FMN2: variants seen among roughly 807,000 people sequenced by gnomAD.
The protein encoded by FMN2 is formin 2, also known as formin-2.
FMN2 carries 51 observed loss-of-function variants against 142.3 expected under a neutral mutation model. The ratio of observed to expected loss-of-function variants is 0.36; its 90% CI spans 0.29 to 0.45. The LOEUF (loss-of-function observed/expected upper bound fraction) is 0.45. FMN2 is among the 20% of genes least tolerant of loss of function. The probability of loss-of-function intolerance (pLI) is 1.00; values close to 1 mark genes in which losing one functional copy is unlikely to be tolerated. For missense variants in FMN2, 1,936 were observed against 2,122.8 expected, an observed-to-expected ratio of 0.91 and a Z score of 1.73; for synonymous variants, 882 against 869.8, an observed-to-expected ratio of 1.01 and a Z score of -0.25.
intron 1 of FMN2, among the ~76,000 whole-genome samples, chr1:240,116,789 T>C (rs1662041460): frequency 6.6e-6 from 1 of 151,844 alleles, no homozygotes; most frequent in Non-Finnish European, 1.5e-5. Context: ...AAGTTATTGA[T>C]ACCATGCTGC....
intron 4 of FMN2, among the ~76,000 whole-genome samples, chr1:240,193,200 C>T (rs1458484587): frequency 1.3e-5 from 2 of 152,002 alleles, no homozygotes; most frequent in East Asian, 1.9e-4. Context: ...CAATGGGGGT[C>T]GTGGAGCTGA....
chr1:240,375,318 A>G (rs866097510), intron 14 of FMN2, among the ~76,000 whole-genome samples: 3 of 152,218 alleles, frequency 2.0e-5, no homozygotes, highest in East Asian at 3.9e-4. Context: ...AATGGTGCCA[A>G]TAGTCATTCG....
intron 13 of FMN2, among the ~76,000 whole-genome samples, chr1:240,339,605 A>G (rs1347261272): frequency 6.6e-6 from 1 of 152,166 alleles, no homozygotes; most frequent in Non-Finnish European, 1.5e-5. Flanking sequence ...TTTAAAATTA[A>G]TATCTGTTTA....
intron 1 of FMN2, among the ~76,000 whole-genome samples, chr1:240,104,963 T>C (rs1661548385): frequency 6.6e-6 from 1 of 152,256 alleles, no homozygotes; most frequent in East Asian, 1.9e-4. Context: ...CTGATGAATA[T>C]TTCCATACAG....
chr1:240,213,177 T>C (rs1411204592), intron 6 of FMN2, among the ~76,000 whole-genome samples: 1 of 152,206 alleles, frequency 6.6e-6, no homozygotes, highest in Non-Finnish European at 1.5e-5. Context: ...ATCATCATCT[T>C]AAGATAATCT....
At chr1:240,144,005 T>A in intron 2 of FMN2, 1 of 1,214,842 alleles carries the variant, frequency 8.2e-7, no homozygotes, top group Non-Finnish European at 1.2e-6. Context: ...AGGGACACAC[T>A]CATTCCAGAC....
At chr1:240,144,692 A>G in intron 2 of FMN2, 1 of 1,296,242 alleles carries the variant, frequency 7.7e-7, no homozygotes, top group Non-Finnish European at 1.1e-6. Flanking sequence ...ATAAAGGCAG[A>G]CCTTTGTGTA....
intron 14 of FMN2, among the ~76,000 whole-genome samples, chr1:240,390,403 G>A (rs921753221): frequency 2.0e-5 from 3 of 151,900 alleles, no homozygotes; most frequent in African/African-American, 2.4e-5. Flanking sequence ...TTTTTGTTTC[G>A]GCCAAACTTG....
intron 14 of FMN2, among the ~76,000 whole-genome samples, chr1:240,391,170 T>A (rs1673590698): frequency 6.6e-6 from 1 of 152,110 alleles, no homozygotes; most frequent in Admixed American, 6.5e-5. Context: ...ACAAACAATC[T>A]GACATACAAA....
intron 2 of FMN2, among the ~76,000 whole-genome samples, chr1:240,159,728 T>C (rs1237837508): frequency 6.6e-6 from 1 of 151,970 alleles, no homozygotes; most frequent in Non-Finnish European, 1.5e-5. Flanking sequence ...CATTTATTAC[T>C]TTTAATTCTA....
chr1:240,270,476 C>T (rs539897442), intron 7 of FMN2, among the ~76,000 whole-genome samples: 6 of 152,158 alleles, frequency 3.9e-5, no homozygotes, highest in Admixed American at 6.6e-5. Flanking sequence ...AATCACACCT[C>T]GGATAAACCT....
At chr1:240,331,158 C>T (rs1671363440) in intron 11 of FMN2, among the ~76,000 whole-genome samples, 1 of 151,754 alleles carries the variant, frequency 6.6e-6, no homozygotes, top group South Asian at 2.1e-4. Context: ...CAATGAAGGC[C>T]AATAGGTCCA....
Position 240,143,982 on chromosome 1 carries a change from G to C in FMN2, c.1782+20637G>C, listed in dbSNP as rs575714590. 1.2e-5 allele frequency: 16 copies of C among 1,348,996 alleles called. 1 individual carries two copies. The South Asian group carries it at 1.8e-4, about 15-fold the overall frequency. 83.6% of individuals were successfully genotyped at this position (1,348,996 alleles called of 1,614,324 possible). On this transcript the variant is annotated intron_variant, in intron 2 of 17. Coordinates refer to ENST00000319653, the MANE Select transcript of FMN2 (RefSeq NM_020066.5). Reference sequence around the variant, plus strand: ...CTGTTGTGGAGAACATAGTCTGAAAGCAGTCCCAGAGCAGGGACACACTCA... The same window carrying C: ...CTGTTGTGGAGAACATAGTCTGAAACCAGTCCCAGAGCAGGGACACACTCA...
At chr1:240,422,561 A>T (rs1306243437) in intron 15 of FMN2, among the ~76,000 whole-genome samples, 1 of 152,196 alleles carries the variant, frequency 6.6e-6, no homozygotes, top group Non-Finnish European at 1.5e-5. Flanking sequence ...GTGCTGGTAT[A>T]TGGGAAAGCA....
chr1:240,319,443 G>T (rs572702265), intron 8 of FMN2, among the ~76,000 whole-genome samples: 1 of 152,160 alleles, frequency 6.6e-6, no homozygotes, highest in Non-Finnish European at 1.5e-5. Context: ...AAATGCACAC[G>T]TTTTGTGAGA....
chr1:240,165,315 A>G (rs1234513182), intron 2 of FMN2, among the ~76,000 whole-genome samples: 1 of 151,998 alleles, frequency 6.6e-6, no homozygotes, highest in Non-Finnish European at 1.5e-5. Flanking sequence ...AGCTGGGACT[A>G]CAGGTATGGA....
At chr1:240,376,069 T>TTGATTCTCCTTTTTTCC (rs1262823257) in intron 14 of FMN2, among the ~76,000 whole-genome samples, 3 of 152,160 alleles carry the variant, frequency 2.0e-5, no homozygotes, top group African/African-American at 7.2e-5. Flanking sequence ...TCATTATGTA[T>TTGATTCTCCTTTTTTCC]TGATTCTCCT....
At chr1:240,286,842 T>A (rs4659569) in intron 7 of FMN2, among the ~76,000 whole-genome samples, 46,997 of 152,010 alleles carry the variant, frequency 0.31, 7,762 homozygotes, top group Admixed American at 0.48. Flanking sequence ...ACTCTGTCAC[T>A]TTGAGGATCT....
intron 13 of FMN2, among the ~76,000 whole-genome samples, chr1:240,341,049 C>T (rs974279650): frequency 7.2e-5 from 11 of 152,258 alleles, no homozygotes; most frequent in Non-Finnish European, 1.0e-4. Context: ...AATCACCTTC[C>T]ACCTTTTGCT....
Sources: gnomAD v4.1 joint callset for allele counts (sites outside exome capture counted in the v4.1 genomes callset) on GRCh38, gnomAD v4.1.1 for gene constraint, MANE v1.5 for transcripts, NCBI Gene and HGNC (gene_info 2026-07-23, HGNC 2026-07-21) for gene names.